The following DPY19L2 variants were observed in gnomAD, a reference collection of about 807,000 sequenced individuals.
The protein encoded by DPY19L2 is dpy-19 like 2.
Under a neutral mutation model 97.9 loss-of-function variants are expected in DPY19L2, and 34 were observed. That is an observed-to-expected ratio of 0.35 (90% CI 0.26 to 0.46). The LOEUF is 0.46. Ranked by LOEUF, DPY19L2 falls within the 20% of genes least tolerant of loss-of-function variation. The pLI, the probability that DPY19L2 is intolerant of heterozygous loss-of-function variation, is 1.00. For synonymous variants in DPY19L2, 230 were observed against 307.9 expected, an observed-to-expected ratio of 0.75 and a Z score of 2.65; for missense variants, 623 against 911.4, an observed-to-expected ratio of 0.68 and a Z score of 4.07.
rs894593588 is a variant in DPY19L2 at position 63,666,353 on chromosome 12, T to C, written c.338-494A>G. 1.3e-5 allele frequency: 3 copies of C among 237,064 alleles called. No individual in the cohort carries two copies. The Admixed American group carries it at 1.6e-4, about 13-fold the overall frequency. 14.7% of individuals were successfully genotyped at this position (237,064 alleles called of 1,614,324 possible). ...AAAGCCCCAATGTGCAGCTCAACCC[T>C]TGATGAATTGCAAGCTCTTTCCAAG... is the stretch of plus-strand genomic sequence containing the variant. On this transcript the variant is annotated intron_variant, in intron 1 of 21. Coordinates refer to ENST00000324472, the MANE Select transcript of DPY19L2 (RefSeq NM_173812.5).
chr12:63,668,190 C>T lies in DPY19L2; in HGVS notation c.204G>A (p.Leu68=). ...RIQSLKERKG[L]ELEVVAKTFL... The stretch of plus-strand genomic sequence containing the variant: ...AGGTCTTGGCCACCACCTCTAGCTC[C>T]AAGCCTTTTCGCTCTTTCAGACTTT... The change falls in exon 1 of 22, where the codon TTG becomes TTA. Residue 68 remains leucine (L), a synonymous_variant. Coordinates refer to ENST00000324472, the MANE Select transcript of DPY19L2 (RefSeq NM_173812.5). 6.2e-7 allele frequency: 1 copy of T among 1,613,950 alleles called. No homozygotes were observed. The highest frequency in any genetic ancestry group is 8.5e-7 in the Non-Finnish European group (1 of 1,179,956).
chr12:63,631,056 A>G (rs1890533551), intron 6 of DPY19L2, among the ~76,000 whole-genome samples: 1 of 152,146 alleles, frequency 6.6e-6, no homozygotes, highest in Non-Finnish European at 1.5e-5. Context: ...TCTCTGGGAC[A>G]CATTCAAAGC....
At chr12:63,629,647 A>G (rs560327677) in intron 6 of DPY19L2, among the ~76,000 whole-genome samples, 1 of 152,326 alleles carries the variant, frequency 6.6e-6, no homozygotes, top group South Asian at 2.1e-4. Flanking sequence ...ACTCTGCAGG[A>G]TATTATCCAG....
chr12:63,622,680 CTT>C (rs1888876863), intron 8 of DPY19L2, among the ~76,000 whole-genome samples: 1 of 152,128 alleles, frequency 6.6e-6, no homozygotes, highest in Admixed American at 6.5e-5. Flanking sequence ...AATCCCAGCA[CTT>C]TGGGAGGCTG....
chr12:63,668,669 G>A (rs909655913), upstream of DPY19L2: 42 of 459,076 alleles, frequency 9.1e-5, no homozygotes, highest in African/African-American at 7.3e-4. Flanking sequence ...TTCCGGTGAG[G>A]GCAGCCCCAC....
At chr12:63,592,129 G>C (rs1883194924) in intron 16 of DPY19L2, among the ~76,000 whole-genome samples, 1 of 145,168 alleles carries the variant, frequency 6.9e-6, no homozygotes, top group South Asian at 2.3e-4. Flanking sequence ...GGAAAGACAA[G>C]ACAAGACAGA....
chr12:63,635,651 A>T (rs868378635), intron 6 of DPY19L2, among the ~76,000 whole-genome samples: 3 of 152,298 alleles, frequency 2.0e-5, no homozygotes, highest in Middle Eastern at 3.4e-3. Context: ...CACAAGCTTC[A>T]GTAGCCGATT....
intron 1 of DPY19L2, 148 bp from the exon 2 acceptor site, chr12:63,666,007 G>C: frequency 1.3e-6 from 1 of 795,184 alleles, no homozygotes; most frequent in Non-Finnish European, 1.9e-6. Context: ...TAAGAGCATA[G>C]GAAAAAATCC....
intron 6 of DPY19L2, among the ~76,000 whole-genome samples, chr12:63,643,353 C>T (rs555285293): frequency 6.6e-6 from 1 of 151,998 alleles, no homozygotes; most frequent in Non-Finnish European, 1.5e-5. Flanking sequence ...ATGCTGAGAA[C>T]TTCCTAAAAC....
chr12:63,588,199 G>C (rs1401591728), intron 16 of DPY19L2, among the ~76,000 whole-genome samples: 1 of 152,072 alleles, frequency 6.6e-6, no homozygotes, highest in Non-Finnish European at 1.5e-5. Flanking sequence ...CCAAAAGCTG[G>C]TTTTATGAAA....
In DPY19L2 at chr12:63,635,812, T is replaced by A. The variant is rs139905856; in HGVS notation, c.803+8591A>T. On this transcript the variant is annotated intron_variant, in intron 6 of 21. Transcript: ENST00000324472. ...CAAATCTACGGCTGATCGGTGTACC[T>A]GAAAGTGACAGGGAGAATGGAACCA... Among the ~76,000 whole-genome samples, 10 of 152,278 alleles carry A rather than the reference T, an allele frequency of 6.6e-5. No individual in the cohort carries two copies. In the East Asian group the frequency reaches 1.9e-3, roughly 29 times the overall value.
intron 16 of DPY19L2, among the ~76,000 whole-genome samples, chr12:63,587,399 G>GAT (rs1352059075): frequency 1.3e-5 from 2 of 151,646 alleles, no homozygotes; most frequent in African/African-American, 2.4e-5. Context: ...TTAATAACAT[G>GAT]ATATAACATG....
intron 9 of DPY19L2, chr12:63,620,150 A>T (rs928386280): frequency 3.2e-6 from 1 of 310,922 alleles, no homozygotes. Flanking sequence ...TCTTAGTATC[A>T]TGAAATGTCA....
At chr12:63,637,446 A>C (rs1400517301) in intron 6 of DPY19L2, among the ~76,000 whole-genome samples, 1 of 152,120 alleles carries the variant, frequency 6.6e-6, no homozygotes, top group East Asian at 1.9e-4. Context: ...AAAGATCAAC[A>C]AAATTGATAG....
At chr12:63,652,282 G>A (rs908400892) in intron 4 of DPY19L2, among the ~76,000 whole-genome samples, 9 of 152,146 alleles carry the variant, frequency 5.9e-5, no homozygotes, top group Admixed American at 2.6e-4. Flanking sequence ...ACAGATGCTG[G>A]TGAGGTTGTG....
intron 1 of DPY19L2, chr12:63,666,605 C>G (rs532851540): frequency 3.3e-4 from 101 of 310,350 alleles, no homozygotes; most frequent in African/African-American, 2.1e-3. Flanking sequence ...GTTAAAACAC[C>G]ACAAACTTTG....
At chr12:63,613,768 T>C (rs1302616805) in intron 11 of DPY19L2, among the ~76,000 whole-genome samples, 1 of 151,890 alleles carries the variant, frequency 6.6e-6, no homozygotes, top group East Asian at 1.9e-4. Flanking sequence ...AAGAAACTTT[T>C]AGAAATAAAA....
chr12:63,568,440 G>A (rs1878184820), intron 21 of DPY19L2, among the ~76,000 whole-genome samples: 1 of 151,986 alleles, frequency 6.6e-6, no homozygotes, highest in South Asian at 2.1e-4. Context: ...GCCTTTGAAT[G>A]TATTTGTAAT....
intron 16 of DPY19L2, among the ~76,000 whole-genome samples, chr12:63,588,724 T>C (rs7979196): frequency 0.051 from 7,679 of 151,144 alleles, 226 homozygotes; most frequent in African/African-American, 0.071. Flanking sequence ...TCCTGGTTTA[T>C]ATAAACCAAA....
Sources: allele counts gnomAD v4.1 joint callset (sites outside exome capture counted in the v4.1 genomes callset), GRCh38; gene constraint gnomAD v4.1.1; transcripts MANE v1.5; gene names NCBI Gene and HGNC (gene_info 2026-07-23, HGNC 2026-07-21).